Variants in SDHB observed in about 807,000 individuals in gnomAD.
SDHB encodes the protein succinate dehydrogenase [ubiquinone] iron-sulfur subunit, mitochondrial.
Under a neutral mutation model 39.7 loss-of-function variants are expected in SDHB, and 21 were observed. The observed-to-expected ratio is 0.53, with a 90% CI of 0.37 to 0.76. The LOEUF is 0.76. Among genes scored for constraint, SDHB ranks in the 30% least tolerant of loss-of-function variants. The pLI, the probability that SDHB is intolerant of heterozygous loss-of-function variation, is 0.00. For missense variants in SDHB, 343 were observed against 350.9 expected (o/e 0.98, Z 0.18); for synonymous variants, 118 against 117.0 (o/e 1.01, Z -0.06).
intron 2 of SDHB, among the ~76,000 whole-genome samples, chr1:17,043,249 C>T (rs1017429717): frequency 1.3e-5 from 2 of 152,102 alleles, no homozygotes; most frequent in Admixed American, 6.6e-5. Flanking sequence ...TCATGAGCCA[C>T]CGCGCCCGGC....
At chr1:17,020,996 C>T (rs537673784) in intron 7 of SDHB, among the ~76,000 whole-genome samples, 18 of 152,324 alleles carry the variant, frequency 1.2e-4, no homozygotes, top group African/African-American at 4.3e-4. Flanking sequence ...ACCTTGCCGC[C>T]CACTGACTCA....
intron 7 of SDHB, among the ~76,000 whole-genome samples, chr1:17,020,666 T>A (rs995625444): frequency 3.3e-5 from 5 of 152,218 alleles, no homozygotes; most frequent in African/African-American, 4.8e-5. Context: ...CATGTTTTTT[T>A]AAAAAATAAC....
chr1:17,021,462 G>A (rs1003671204), intron 7 of SDHB, among the ~76,000 whole-genome samples: 10 of 151,948 alleles, frequency 6.6e-5, no homozygotes, highest in Non-Finnish European at 1.5e-5. Context: ...CAGATGAGAG[G>A]GGCCGGTCGC....
chr1:17,023,147 C>G (rs867293392), intron 6 of SDHB: 10 of 326,458 alleles, frequency 3.1e-5, no homozygotes, highest in Middle Eastern at 2.2e-3. Context: ...GACCTGTCTA[C>G]AGATAGTATT....
chr1:17,028,789 G>A, intron 3 of SDHB, 53 bp from the exon 4 acceptor site: 1 of 1,602,456 alleles, frequency 6.2e-7, no homozygotes, highest in South Asian at 1.1e-5. Flanking sequence ...AATCAGTCCT[G>A]CCCCAAATAC....
intron 1 of SDHB, chr1:17,045,198 T>C (rs944641031): frequency 2.8e-6 from 1 of 363,002 alleles, no homozygotes; most frequent in East Asian, 6.7e-5. Flanking sequence ...AGCGATACTG[T>C]TGGGAAAGTA....
chr1:17,022,151 C>T (rs1056479903), intron 7 of SDHB, among the ~76,000 whole-genome samples: 4 of 152,094 alleles, frequency 2.6e-5, no homozygotes, highest in East Asian at 1.9e-4. Context: ...GGAAGAGGAA[C>T]GAAAGCCAGA....
chr1:17,024,038 T>C lies in SDHB; in HGVS notation c.577A>G (p.Ser193Gly), dbSNP rs760438782. ...CACCAGTAGCTGGGGCAGCTGGTGCTACAGCAGGCACAGAGAATGCACTCG... is the reference window on the plus strand; with the variant it reads ...CACCAGTAGCTGGGGCAGCTGGTGCCACAGCAGGCACAGAGAATGCACTCG... Reference protein sequence around the residue: ...LYECILCACCSTSCPSYWWNG... With the variant: ...LYECILCACCGTSCPSYWWNG... The change falls in exon 6 of 8, where the codon AGC becomes GGC. Residue 193 changes from serine to glycine, a missense_variant. Physicochemically the swap from Ser to Gly is moderately conservative, Grantham distance 56. Transcript: ENST00000375499. 4 of 1,613,986 alleles carry C rather than the reference T, an allele frequency of 2.5e-6. No individual in the cohort carries two copies. In the South Asian group the frequency reaches 3.3e-5, roughly 13 times the overall value.
intron 2 of SDHB, among the ~76,000 whole-genome samples, chr1:17,034,917 C>G (rs897010920): frequency 6.6e-6 from 1 of 152,116 alleles, no homozygotes; most frequent in African/African-American, 2.4e-5. Flanking sequence ...AGGTTCTGTT[C>G]TAGATGCTGG....
At chr1:17,030,961 T>G (rs1338663411) in intron 3 of SDHB, among the ~76,000 whole-genome samples, 1 of 151,660 alleles carries the variant, frequency 6.6e-6, no homozygotes, top group African/African-American at 2.4e-5. Context: ...CACCTTTTTT[T>G]TTTTTTTTTT....
intron 2 of SDHB, among the ~76,000 whole-genome samples, chr1:17,043,295 T>C (rs1429352852): frequency 2.0e-5 from 3 of 152,140 alleles, no homozygotes; most frequent in Non-Finnish European, 4.4e-5. Flanking sequence ...AGTTTTATTG[T>C]ATTTCGGTCC....
intron 7 of SDHB, among the ~76,000 whole-genome samples, chr1:17,019,174 T>C (rs1188288826): frequency 6.6e-6 from 1 of 152,222 alleles, no homozygotes; most frequent in African/African-American, 2.4e-5. Flanking sequence ...GCAAGAGCTC[T>C]GCCACGTTGA....
At chr1:17,046,395 T>C (rs754857513) in intron 1 of SDHB, among the ~76,000 whole-genome samples, 42 of 152,136 alleles carry the variant, frequency 2.8e-4, no homozygotes, top group Non-Finnish European at 4.7e-4. Context: ...TAATAAGGTA[T>C]AATTCATTAT....
chr1:17,050,989 A>C (rs981326011), intron 1 of SDHB, among the ~76,000 whole-genome samples: 3 of 152,254 alleles, frequency 2.0e-5, no homozygotes, highest in African/African-American at 7.2e-5. Context: ...AGACGAGGAT[A>C]GGATCATATA....
chr1:17,025,604 C>T (rs1251158604), intron 5 of SDHB, among the ~76,000 whole-genome samples: 1 of 151,780 alleles, frequency 6.6e-6, no homozygotes, highest in Admixed American at 6.6e-5. Context: ...GAGACAGGGT[C>T]GCCCTATGTT....
intron 5 of SDHB, among the ~76,000 whole-genome samples, chr1:17,024,931 A>C (rs148691864): frequency 2.0e-4 from 31 of 152,334 alleles, no homozygotes; most frequent in Admixed American, 2.0e-3. Context: ...CTTCAACCAA[A>C]TCTATGTTAT....
chr1:17,052,872 T>C (rs985972830), intron 1 of SDHB, among the ~76,000 whole-genome samples: 54 of 152,294 alleles, frequency 3.5e-4, no homozygotes, highest in African/African-American at 1.2e-3. Context: ...ACCAACCATG[T>C]CCCAAGATCT....
chr1:17,027,753 T>A lies in SDHB; in HGVS notation c.536A>T (p.Lys179Ile), dbSNP rs1553177670. Residue 179 changes from lysine (K) to isoleucine (I), a missense_variant, in exon 5 of 8, where the codon AAA becomes ATA. By Grantham distance (102) the Lys-to-Ile change is moderately radical. Coordinates refer to ENST00000375499, the MANE Select transcript of SDHB (RefSeq NM_003000.3). ...CAATAAATAGGGACTAATGACCAGT[T>A]TCTCACGCTCTTCTATGGACTGCAG... The part of the protein sequence containing the change: ...QYLQSIEERE[K>I]LDGLYECILC... 1 of 1,562,824 alleles carries A rather than the reference T, an allele frequency of 6.4e-7. No individual in the cohort carries two copies. The highest frequency in any genetic ancestry group is 1.4e-5 in the African/African-American group (1 of 73,862).
At chr1:17,028,760 C>T in intron 3 of SDHB, 24 bp from the exon 4 acceptor site, 1 of 1,612,450 alleles carries the variant, frequency 6.2e-7, no homozygotes, top group Non-Finnish European at 8.5e-7. Context: ...ACATTTAACA[C>T]ATCCTCACCC....
Sources: gnomAD v4.1 joint callset for allele counts (sites outside exome capture counted in the v4.1 genomes callset) on GRCh38, gnomAD v4.1.1 for gene constraint, MANE v1.5 for transcripts, NCBI Gene and HGNC (gene_info 2026-07-23, HGNC 2026-07-21) for gene names.